Variants in MAGED1 observed in about 807,000 individuals in gnomAD.
MAGED1 encodes the protein MAGE family member D1, also known as melanoma-associated antigen D1.
In MAGED1, 3 loss-of-function variants were observed where a neutral mutation model predicts 54.1. The observed-to-expected ratio is 0.06, with a 90% CI of 0.03 to 0.14. MAGED1 has a LOEUF of 0.14. Among genes scored for constraint, MAGED1 ranks in the 10% least tolerant of loss-of-function variants. The pLI, the probability that MAGED1 is intolerant of heterozygous loss-of-function variation, is 1.00. For synonymous variants in MAGED1, 217 were observed against 227.3 expected, an observed-to-expected ratio of 0.95 and a Z score of 0.41; for missense variants, 485 against 623.4, an observed-to-expected ratio of 0.78 and a Z score of 2.36.
chrX:51,846,106 A>C (rs1489708584), intron 1 of MAGED1, among the ~76,000 whole-genome samples: 1 of 111,763 alleles, frequency 8.9e-6, no homozygotes, highest in Non-Finnish European at 1.9e-5. Flanking sequence ...CAGAGAGTGG[A>C]CTATCATAGG....
chrX:51,821,437 C>T (rs1925627621), intron 1 of MAGED1, among the ~76,000 whole-genome samples: 1 of 111,156 alleles, frequency 9.0e-6, no homozygotes, highest in South Asian at 3.9e-4. Context: ...GTCACCCAGG[C>T]TGGAGTACAG....
At chrX:51,894,405 G>C (rs1353155173) in intron 2 of MAGED1, 56 bp downstream of exon 2, 48 of 1,087,798 alleles carry the variant, frequency 4.4e-5, no homozygotes, top group Non-Finnish European at 6.0e-5. Flanking sequence ...ACCCCTCCCC[G>C]CGGGCCTCTT....
intron 1 of MAGED1, among the ~76,000 whole-genome samples, chrX:51,836,199 AT>A (rs200574737): frequency 0.29 from 28,248 of 98,107 alleles, 3,176 homozygotes; most frequent in Non-Finnish European, 0.36. Flanking sequence ...CAATTTATTG[AT>A]TTTTTTTTTT....
At chrX:51,803,828 A>G (rs1557354798) in intron 1 of MAGED1, among the ~76,000 whole-genome samples, 1 of 106,503 alleles carries the variant, frequency 9.4e-6, no homozygotes, top group East Asian at 2.9e-4. Context: ...TTATGTTGCC[A>G]TAGAATTGAA....
intron 1 of MAGED1, among the ~76,000 whole-genome samples, chrX:51,803,869 AT>A (rs1924944912): frequency 9.1e-6 from 1 of 109,762 alleles, no homozygotes; most frequent in African/African-American, 3.3e-5. Flanking sequence ...AACATAGTGG[AT>A]TATACCTGTA....
At chrX:51,837,829 G>A (rs1423239269) in intron 1 of MAGED1, among the ~76,000 whole-genome samples, 2 of 112,259 alleles carry the variant, frequency 1.8e-5, no homozygotes, top group Non-Finnish European at 3.8e-5. Flanking sequence ...CTAGAGCCCA[G>A]GCTGCTTCTG....
chrX:51,882,185 T>A (rs1557362547), intron 1 of MAGED1, among the ~76,000 whole-genome samples: 1 of 112,175 alleles, frequency 8.9e-6, no homozygotes, highest in Non-Finnish European at 1.9e-5. Context: ...AAAGGGATGT[T>A]ACTTATTTAG....
At chrX:51,859,635 G>T (rs1927205399) in intron 1 of MAGED1, among the ~76,000 whole-genome samples, 1 of 111,509 alleles carries the variant, frequency 9.0e-6, no homozygotes, top group Non-Finnish European at 1.9e-5. Context: ...ATGGTAAAAG[G>T]GACTTCGGCA....
intron 1 of MAGED1, among the ~76,000 whole-genome samples, chrX:51,840,329 C>G (rs1203913526): frequency 5.4e-5 from 6 of 110,434 alleles, no homozygotes; most frequent in South Asian, 3.9e-4. Flanking sequence ...CCACATGAAC[C>G]AAGGCCTTTT....
rs868949575 is a variant in MAGED1 at position 51,813,988 on chromosome X, C to T, written c.-37+10871C>T. 1.3e-4 allele frequency among the ~76,000 whole-genome samples: 14 copies of T among 111,055 alleles called. 1 individual carries two copies. The highest frequency in any genetic ancestry group is 4.7e-3 in the Middle Eastern group (1 of 214). Reference sequence around the variant, plus strand: ...CTGGATCATGTGTCTCAGCCCAGACCTATTTGTGTGTCTTAACGTAAAGCT... The same window carrying T: ...CTGGATCATGTGTCTCAGCCCAGACTTATTTGTGTGTCTTAACGTAAAGCT... On this transcript the variant is annotated intron_variant, in intron 1 of 12. Coordinates refer to the MAGED1 transcript ENST00000375772.
intron 1 of MAGED1, among the ~76,000 whole-genome samples, chrX:51,845,327 ACT>A (rs782003602): frequency 4.5e-5 from 5 of 111,602 alleles, no homozygotes; most frequent in South Asian, 3.8e-4. Flanking sequence ...AAAAAGAATG[ACT>A]CTGAAGGTGG....
At chrX:51,845,977 T>C (rs1159498393) in intron 1 of MAGED1, among the ~76,000 whole-genome samples, 1 of 110,624 alleles carries the variant, frequency 9.0e-6, no homozygotes, top group Non-Finnish European at 1.9e-5. Flanking sequence ...GTTTTTGTCA[T>C]GTTGCCCAGG....
upstream of MAGED1, among the ~76,000 whole-genome samples, chrX:51,892,217 A>C (rs138846968): frequency 8.9e-5 from 10 of 112,979 alleles, no homozygotes; most frequent in East Asian, 2.8e-3. Context: ...TCCTGGAAGC[A>C]TAGCAGCGTG....
At chrX:51,892,474 T>G (rs1928480043), upstream of MAGED1, among the ~76,000 whole-genome samples, 1 of 112,009 alleles carries the variant, frequency 8.9e-6, no homozygotes, top group Non-Finnish European at 1.9e-5. Context: ...TCCTGGCTGC[T>G]CCAGTGGGCA....
At chrX:51,827,532 A>G (rs782259226) in intron 1 of MAGED1, among the ~76,000 whole-genome samples, 1 of 111,875 alleles carries the variant, frequency 8.9e-6, no homozygotes, top group Non-Finnish European at 1.9e-5. Flanking sequence ...AATGTAAACT[A>G]TGAACTTTAG....
intron 1 of MAGED1, among the ~76,000 whole-genome samples, chrX:51,805,935 T>A (rs1233526159): frequency 1.9e-5 from 2 of 106,623 alleles, no homozygotes; most frequent in Non-Finnish European, 3.9e-5. Flanking sequence ...TTGTCCTAAG[T>A]GTACAGCTCA....
At chrX:51,834,918 ATT>A (rs1926190404) in intron 1 of MAGED1, among the ~76,000 whole-genome samples, 1 of 111,925 alleles carries the variant, frequency 8.9e-6, no homozygotes, top group Non-Finnish European at 1.9e-5. Flanking sequence ...ACTTTGATCT[ATT>A]TATTTTTTGT....
chrX:51,868,535 G>C (rs1557361256), intron 1 of MAGED1, among the ~76,000 whole-genome samples: 1 of 111,492 alleles, frequency 9.0e-6, no homozygotes. Flanking sequence ...AAATCACTGT[G>C]ATCATGAAGA....
upstream of MAGED1, among the ~76,000 whole-genome samples, chrX:51,893,127 T>G (rs1207928515): frequency 9.1e-6 from 1 of 110,293 alleles, no homozygotes; most frequent in Non-Finnish European, 1.9e-5. Flanking sequence ...GCCACAGACT[T>G]ACTACTACTA....
Sources: allele counts gnomAD v4.1 joint callset (sites outside exome capture counted in the v4.1 genomes callset), GRCh38; gene constraint gnomAD v4.1.1; transcripts MANE v1.5; gene names NCBI Gene and HGNC (gene_info 2026-07-23, HGNC 2026-07-21).